The following FSTL5 variants were observed in gnomAD, a reference collection of about 807,000 sequenced individuals.
The protein encoded by FSTL5 is follistatin like 5, also known as follistatin-related protein 5.
Under a neutral mutation model 89.1 loss-of-function variants are expected in FSTL5, and 62 were observed. That is an observed-to-expected ratio of 0.70 (90% CI 0.57 to 0.86). The LOEUF is 0.86. Ranked by LOEUF, FSTL5 falls within the 40% of genes least tolerant of loss-of-function variation. The pLI is 0.00. For missense variants in FSTL5, 1,057 were observed against 1,001.6 expected, an observed-to-expected ratio of 1.06 and a Z score of -0.75; for synonymous variants, 383 against 346.2, an observed-to-expected ratio of 1.11 and a Z score of -1.18.
At chr4:162,125,837 T>G (rs1732056970) in intron 1 of FSTL5, among the ~76,000 whole-genome samples, 1 of 152,140 alleles carries the variant, frequency 6.6e-6, no homozygotes, top group Admixed American at 6.5e-5. Context: ...TTAAGATTGC[T>G]AATATATTTG....
At chr4:161,565,776 CACACACAT>C (rs1001513317) in intron 8 of FSTL5, among the ~76,000 whole-genome samples, 6 of 149,886 alleles carry the variant, frequency 4.0e-5, no homozygotes, top group African/African-American at 1.5e-4. Flanking sequence ...CACACACACA[CACACACAT>C]ATATATGATA....
At chr4:161,660,441 T>C (rs1191318806) in intron 6 of FSTL5, among the ~76,000 whole-genome samples, 4 of 152,140 alleles carry the variant, frequency 2.6e-5, no homozygotes, top group Non-Finnish European at 4.4e-5. Flanking sequence ...CTACCAGTAA[T>C]AATATAAATT....
chr4:161,424,261 C>T (rs963125144), intron 15 of FSTL5, among the ~76,000 whole-genome samples: 7 of 151,690 alleles, frequency 4.6e-5, no homozygotes, highest in African/African-American at 1.7e-4. Flanking sequence ...TCAGATTATC[C>T]ATGTAATAAG....
At chr4:161,905,591 C>T (rs1010565703) in intron 4 of FSTL5, among the ~76,000 whole-genome samples, 4 of 152,016 alleles carry the variant, frequency 2.6e-5, no homozygotes, top group Admixed American at 2.0e-4. Flanking sequence ...TGTGAAGACT[C>T]TGGGGACTCA....
At chr4:161,743,482 AT>A (rs1647449250) in intron 6 of FSTL5, among the ~76,000 whole-genome samples, 1 of 152,052 alleles carries the variant, frequency 6.6e-6, no homozygotes, top group African/African-American at 2.4e-5. Context: ...AAAGAATGAC[AT>A]CCCCTCCATC....
chr4:161,419,854 G>A (rs1239884581), intron 15 of FSTL5, among the ~76,000 whole-genome samples: 1 of 152,162 alleles, frequency 6.6e-6, no homozygotes, highest in Non-Finnish European at 1.5e-5. Flanking sequence ...CTGGCCTAGA[G>A]GTCTTAATTG....
At chr4:161,481,921 C>T (rs990191226) in intron 12 of FSTL5, among the ~76,000 whole-genome samples, 15 of 152,150 alleles carry the variant, frequency 9.9e-5, no homozygotes, top group South Asian at 4.1e-4. Context: ...CTGGGAGTCA[C>T]AGCATAAGTA....
At chr4:162,093,788 T>C (rs190900748) in intron 2 of FSTL5, among the ~76,000 whole-genome samples, 3 of 152,270 alleles carry the variant, frequency 2.0e-5, no homozygotes, top group Non-Finnish European at 4.4e-5. Context: ...GAATAATGAC[T>C]CTTGTTCTAA....
chr4:162,093,854 A>G (rs913907841), intron 2 of FSTL5, among the ~76,000 whole-genome samples: 6 of 152,114 alleles, frequency 3.9e-5, no homozygotes, highest in Admixed American at 3.3e-4. Context: ...AGAACTTTAT[A>G]GGAAATTTTA....
intron 7 of FSTL5, among the ~76,000 whole-genome samples, chr4:161,629,930 G>C (rs1735447024): frequency 1.3e-5 from 2 of 152,290 alleles, no homozygotes; most frequent in Middle Eastern, 6.8e-3. Context: ...ACTTCCAGTC[G>C]GAGGCTCAGG....
chr4:161,624,587 C>T (rs1445885247), intron 7 of FSTL5, among the ~76,000 whole-genome samples: 1 of 151,538 alleles, frequency 6.6e-6, no homozygotes, highest in Non-Finnish European at 1.5e-5. Flanking sequence ...AACTTTAATA[C>T]ATGATTGTAA....
chr4:162,123,967 C>A (rs1335362863), intron 1 of FSTL5, among the ~76,000 whole-genome samples: 1 of 151,892 alleles, frequency 6.6e-6, no homozygotes. Context: ...GTGTTCCAGG[C>A]ACAGTTACAC....
intron 10 of FSTL5, among the ~76,000 whole-genome samples, chr4:161,532,283 C>T (rs554151157): frequency 1.4e-4 from 22 of 151,876 alleles, no homozygotes; most frequent in African/African-American, 5.1e-4. Flanking sequence ...ATGACAAGTG[C>T]TTTATACGTA....
chr4:162,086,285 T>C (rs1002636381), intron 2 of FSTL5, among the ~76,000 whole-genome samples: 2 of 151,908 alleles, frequency 1.3e-5, no homozygotes, highest in Non-Finnish European at 2.9e-5. Flanking sequence ...TGCATTTATA[T>C]TCTCTCTCAT....
intron 4 of FSTL5, among the ~76,000 whole-genome samples, chr4:161,917,766 G>A (rs1232374895): frequency 1.3e-5 from 2 of 152,070 alleles, no homozygotes; most frequent in African/African-American, 4.8e-5. Flanking sequence ...CACATAAGAA[G>A]ATGTTTAGCA....
intron 2 of FSTL5, among the ~76,000 whole-genome samples, chr4:162,037,457 C>G (rs1233032919): frequency 6.6e-6 from 1 of 151,866 alleles, no homozygotes; most frequent in Non-Finnish European, 1.5e-5. Context: ...TGAGAAGAAT[C>G]ACACATACAG....
At chr4:161,581,467 A>T (rs1475309837) in intron 8 of FSTL5, among the ~76,000 whole-genome samples, 1 of 152,168 alleles carries the variant, frequency 6.6e-6, no homozygotes, top group East Asian at 1.9e-4. Flanking sequence ...TTTAGCTAGG[A>T]CGGTTTACCA....
intron 4 of FSTL5, among the ~76,000 whole-genome samples, chr4:161,786,493 G>GTCTCTCAAAAAAA: frequency 6.6e-6 from 1 of 152,196 alleles, no homozygotes; most frequent in South Asian, 2.1e-4. Context: ...ACATTGTTCT[G>GTCTCTCAAAAAAA]TAAGAGTCCT....
At chr4:161,773,629 A>C (rs1741288428) in intron 5 of FSTL5, among the ~76,000 whole-genome samples, 1 of 152,210 alleles carries the variant, frequency 6.6e-6, no homozygotes, top group Non-Finnish European at 1.5e-5. Flanking sequence ...AATGCAAATC[A>C]AAATCACCAT....
Sources: gnomAD v4.1 joint callset for allele counts (sites outside exome capture counted in the v4.1 genomes callset) on GRCh38, gnomAD v4.1.1 for gene constraint, MANE v1.5 for transcripts, NCBI Gene and HGNC (gene_info 2026-07-23, HGNC 2026-07-21) for gene names.